The following PTBP2 variants were observed in gnomAD, a reference collection of about 807,000 sequenced individuals.
The protein encoded by PTBP2 is polypyrimidine tract-binding protein 2.
A neutral mutation model predicts 61.4 loss-of-function variants in PTBP2; 13 were observed. The observed-to-expected ratio is 0.21, with a 90% CI of 0.14 to 0.34. PTBP2 has a LOEUF of 0.34. PTBP2 is among the 10% of genes least tolerant of loss of function. PTBP2 has a pLI of 1.00. For synonymous variants in PTBP2, 215 were observed against 218.5 expected (o/e 0.98, Z 0.14); for missense variants, 405 against 642.6 (o/e 0.63, Z 4.00).
At chr1:96,785,332 C>A in intron 8 of PTBP2, 78 bp downstream of exon 8, 1 of 1,121,746 alleles carries the variant, frequency 8.9e-7, no homozygotes. Context: ...ATGAATCCCC[C>A]CATTTTGGAC....
At chr1:96,751,252 AATGGGAGAGGGATAG>A in intron 2 of PTBP2, 158 bp from the exon 3 acceptor site, 1 of 685,918 alleles carries the variant, frequency 1.5e-6, no homozygotes, top group Non-Finnish European at 2.7e-6. Flanking sequence ...CCTTTGTGAG[AATGGGAGAGGGATAG>A]ATGGGAGAGT....
In PTBP2 at chr1:96,813,568, A is replaced by G; in HGVS notation, c.*163A>G. On this transcript the variant is annotated 3_prime_UTR_variant, in exon 14 of 14. Transcript: ENST00000674951. ...TATCATTCCTTGGTTATAAAATGAAATGGCATATGTAAAGGCAGAGTTGTT... is the reference window on the plus strand; with the variant it reads ...TATCATTCCTTGGTTATAAAATGAAGTGGCATATGTAAAGGCAGAGTTGTT... 1 of 594,234 alleles carries G rather than the reference A, an allele frequency of 1.7e-6. No individual in the cohort carries two copies. The highest frequency in any genetic ancestry group is 5.1e-5 in the South Asian group (1 of 19,454). 36.8% of individuals were successfully genotyped at this position (594,234 alleles called of 1,614,324 possible).
intron 5 of PTBP2, among the ~76,000 whole-genome samples, chr1:96,776,394 TTAG>T (rs1188110865): frequency 7.9e-5 from 12 of 152,044 alleles, no homozygotes; most frequent in Admixed American, 5.9e-4. Flanking sequence ...TGAGTTTTAA[TTAG>T]TAAGTCATTT....
chr1:96,813,504 TTTTG>T lies in PTBP2; in HGVS notation c.*103_*106del. On this transcript the variant is annotated 3_prime_UTR_variant, in exon 14 of 14. Transcript: ENST00000674951. Reference sequence around the variant, plus strand: ...GGGACCAGAGTTTGATTTTTTTTGTTTTTGTTTTTTTGGGGTTTCTTTTTTTTTT... The same window carrying T: ...GGGACCAGAGTTTGATTTTTTTTGTTTTTTTTTGGGGTTTCTTTTTTTTTT... The T allele has an allele frequency of 1.8e-5, 22 of 1,227,880 alleles. No individual in the cohort carries two copies. Among genetic ancestry groups the T allele is most frequent in the Non-Finnish European group, 2.4e-5 (22 of 921,176 alleles). 76.1% of individuals were successfully genotyped at this position (1,227,880 alleles called of 1,614,324 possible). A position where few individuals can be genotyped will look rare whatever the true frequency, so the allele number is the denominator to read the frequency against.
intron 5 of PTBP2, among the ~76,000 whole-genome samples, chr1:96,773,390 T>A (rs1657615753): frequency 6.6e-6 from 1 of 152,134 alleles, no homozygotes; most frequent in Non-Finnish European, 1.5e-5. Context: ...TTTTTTGTAG[T>A]TGGTTATGCC....
Position 96,753,862 on chromosome 1 carries a change from A to G in PTBP2, c.115+2362A>G, listed in dbSNP as rs529867479. On this transcript the variant is annotated intron_variant, in intron 3 of 13. Coordinates refer to ENST00000674951, the MANE Select transcript of PTBP2 (RefSeq NM_021190.4). The stretch of plus-strand genomic sequence containing the variant: ...AGAAGAAATGTTAGTGAACTTGAAT[A>G]CTGTTGAATACAGTGATTAAATCTG... Among the ~76,000 whole-genome samples, 18 of 152,322 alleles carry G rather than the reference A, an allele frequency of 1.2e-4. No homozygotes were observed. In the East Asian group the frequency reaches 3.5e-3, roughly 29 times the overall value.
chr1:96,803,291 T>C (rs2101182196), intron 8 of PTBP2, among the ~76,000 whole-genome samples: 1 of 152,200 alleles, frequency 6.6e-6, no homozygotes, highest in East Asian at 1.9e-4. Context: ...GGCCATGAGT[T>C]GATCATTGTT....
chr1:96,804,540 A>G (rs908827768), intron 8 of PTBP2, among the ~76,000 whole-genome samples: 1 of 152,150 alleles, frequency 6.6e-6, no homozygotes, highest in Non-Finnish European at 1.5e-5. Flanking sequence ...GAAATAGAGT[A>G]TTATATATTT....
intron 7 of PTBP2, among the ~76,000 whole-genome samples, chr1:96,780,173 A>T (rs1557745901): frequency 6.6e-6 from 1 of 152,050 alleles, no homozygotes. Flanking sequence ...ATAAACACCA[A>T]AGCCTATCGT....
intron 11 of PTBP2, among the ~76,000 whole-genome samples, chr1:96,809,672 C>T (rs1024847468): frequency 5.9e-5 from 9 of 152,020 alleles, no homozygotes; most frequent in South Asian, 4.2e-4. Flanking sequence ...ACCACCTGCC[C>T]GGCTAATTTA....
At chr1:96,742,382 C>G (rs1172687708) in intron 2 of PTBP2, among the ~76,000 whole-genome samples, 1 of 152,106 alleles carries the variant, frequency 6.6e-6, no homozygotes, top group Non-Finnish European at 1.5e-5. Context: ...GAGTACGTTC[C>G]TAGAAAACTG....
chr1:96,746,493 G>A (rs1030239068), intron 2 of PTBP2, among the ~76,000 whole-genome samples: 3 of 151,896 alleles, frequency 2.0e-5, no homozygotes, highest in Non-Finnish European at 4.4e-5. Flanking sequence ...ATGCCTATTT[G>A]TGTTTTTTGC....
chr1:96,798,146 C>A (rs950052303), intron 8 of PTBP2, among the ~76,000 whole-genome samples: 2 of 151,716 alleles, frequency 1.3e-5, no homozygotes, highest in Non-Finnish European at 1.5e-5. Context: ...CCAGTCATGC[C>A]TGTAATCCCA....
In PTBP2 at chr1:96,746,322, A is replaced by G. The variant is rs1653761171; in HGVS notation, c.40-5103A>G. 2.0e-5 allele frequency among the ~76,000 whole-genome samples: 3 copies of G among 152,136 alleles called. No homozygotes were observed. The South Asian group carries it at 6.2e-4, about 31-fold the overall frequency. On this transcript the variant is annotated intron_variant, in intron 2 of 13. Coordinates refer to ENST00000674951, the MANE Select transcript of PTBP2 (RefSeq NM_021190.4). Reference sequence around the variant, plus strand: ...GTTCTTGCTGTTTCAGATCCCCACCAGCACTTGGCTAGGTATTTAATTTCT... The same window carrying G: ...GTTCTTGCTGTTTCAGATCCCCACCGGCACTTGGCTAGGTATTTAATTTCT...
chr1:96,811,010 A>G (rs941293512), intron 11 of PTBP2, among the ~76,000 whole-genome samples: 1 of 152,102 alleles, frequency 6.6e-6, no homozygotes, highest in East Asian at 1.9e-4. Context: ...AATCTGAGAA[A>G]ACTTAAAATA....
chr1:96,793,581 C>A (rs1231550172), intron 8 of PTBP2, among the ~76,000 whole-genome samples: 2 of 152,034 alleles, frequency 1.3e-5, no homozygotes, highest in Admixed American at 1.3e-4. Flanking sequence ...CCGTGTTAGC[C>A]AGGATGGTCT....
chr1:96,764,123 T>G (rs1656378926), intron 3 of PTBP2, among the ~76,000 whole-genome samples: 1 of 152,236 alleles, frequency 6.6e-6, no homozygotes, highest in South Asian at 2.1e-4. Flanking sequence ...CAACAGCCTT[T>G]CCCTTATCTG....
chr1:96,755,787 A>G (rs575085636), intron 3 of PTBP2, among the ~76,000 whole-genome samples: 65 of 152,312 alleles, frequency 4.3e-4, no homozygotes, highest in Non-Finnish European at 5.9e-4. Context: ...AATGCAAACT[A>G]ATCTAAAGCA....
At chr1:96,725,806 G>A (rs916001711) in intron 2 of PTBP2, among the ~76,000 whole-genome samples, 2 of 151,832 alleles carry the variant, frequency 1.3e-5, no homozygotes, top group South Asian at 2.1e-4. Context: ...CAGGCCGGGC[G>A]CGGTGGGTCA....
Sources: gnomAD v4.1 joint callset for allele counts (sites outside exome capture counted in the v4.1 genomes callset) on GRCh38, gnomAD v4.1.1 for gene constraint, MANE v1.5 for transcripts, NCBI Gene and HGNC (gene_info 2026-07-23, HGNC 2026-07-21) for gene names.